The following RBM23 variants were observed in gnomAD, a reference collection of about 807,000 sequenced individuals.
The protein encoded by RBM23 is probable RNA-binding protein 23.
RBM23 carries 53 observed loss-of-function variants against 56.2 expected under a neutral mutation model. The observed-to-expected ratio is 0.94, with a 90% confidence interval of 0.76 to 1.19. The LOEUF (loss-of-function observed/expected upper bound fraction) is 1.19, where lower values mean the gene tolerates loss of function less well. Among genes scored for constraint, RBM23 ranks in the 50% most tolerant of loss-of-function variants. RBM23 has a pLI of 0.00. For synonymous variants in RBM23, 197 were observed against 198.5 expected (o/e 0.99, Z 0.06); for missense variants, 642 against 590.3 (o/e 1.09, Z -0.91).
intron 4 of RBM23, among the ~76,000 whole-genome samples, chr14:22,907,353 G>A (rs560363460): frequency 4.6e-4 from 70 of 151,844 alleles, no homozygotes; most frequent in Non-Finnish European, 9.0e-4. Flanking sequence ...AAAAAAAAAA[G>A]AAAAAATAAG....
Position 22,901,868 on chromosome 14 carries a change from A to G in RBM23, c.1262T>C (p.Leu421Pro). The change falls in exon 13 of 14, where the codon CTG becomes CCG. Residue 421 changes from leucine to proline, a missense_variant. Transcript: ENST00000359890. ...PAALTALSPA[L>P]NLASQCFQLS... Reference sequence around the variant, plus strand: ...CTGGAAACACTGGGAGGCAAGGTTCAGGGCTGGACTCAGAGCTAGAACAAA... The same window carrying G: ...CTGGAAACACTGGGAGGCAAGGTTCGGGGCTGGACTCAGAGCTAGAACAAA... 1.2e-6 allele frequency: 2 copies of G among 1,614,226 alleles called. No homozygotes were observed. The highest frequency in any genetic ancestry group is 1.3e-5 in the African/African-American group (1 of 75,068).
At position 22,895,084 on chromosome 14, in the gene RBM23, G is replaced by A. The variant is rs979954620; in HGVS notation, c.*6646C>T. 2.6e-5 allele frequency: 4 copies of A among 151,494 alleles called. No homozygotes were observed. The highest frequency in any genetic ancestry group is 2.6e-4 in the Admixed American group (4 of 15,196). 9.4% of individuals were successfully genotyped at this position (151,494 alleles called of 1,614,324 possible). A position where few individuals can be genotyped will look rare whatever the true frequency, so the allele number is the denominator to read the frequency against. ...ATTAAAAATAAATAAATAAGGCCCA[G>A]TGCAGTGGCTCAGGACTGTAATCCC... is the stretch of plus-strand genomic sequence containing the variant. On this transcript the variant is annotated 3_prime_UTR_variant, in exon 14 of 14. Coordinates refer to ENST00000359890, the MANE Select transcript of RBM23 (RefSeq NM_001077351.2).
chr14:22,916,232 A>G (rs961304988), intron 1 of RBM23, among the ~76,000 whole-genome samples: 4 of 151,924 alleles, frequency 2.6e-5, no homozygotes, highest in Non-Finnish European at 4.4e-5. Context: ...CAAAACAGAG[A>G]AGGTCACACA....
rs2044144072 is a variant in RBM23 at position 22,919,145 on chromosome 14, G to C, written c.-157C>G. The stretch of plus-strand genomic sequence containing the variant: ...CTCCTCTTCCCGCAAAATGGCGGCA[G>C]CTCTGCCGTCTTCCAGAACCTTCCC... On this transcript the variant is annotated 5_prime_UTR_variant, in exon 1 of 14. Transcript: ENST00000359890. The C allele has an allele frequency of 6.6e-6, 1 of 152,304 alleles. No homozygotes were observed. Among genetic ancestry groups the C allele is most frequent in the African/African-American group, 2.4e-5 (1 of 41,448 alleles). 9.4% of individuals were successfully genotyped at this position (152,304 alleles called of 1,614,324 possible).
chr14:22,902,932 G>A (rs1364038442), intron 10 of RBM23: 4 of 641,388 alleles, frequency 6.2e-6, no homozygotes, highest in East Asian at 2.8e-4. Flanking sequence ...CCACCACCAT[G>A]CCCAGCTAGT....
intron 5 of RBM23, 70 bp downstream of exon 5, chr14:22,906,125 G>A: frequency 3.2e-6 from 5 of 1,542,152 alleles, no homozygotes; most frequent in Non-Finnish European, 4.4e-6. Context: ...CCTCAAGCAG[G>A]GTTCATAGTG....
chr14:22,913,929 CAGG>C (rs976238412), intron 1 of RBM23: 2 of 150,466 alleles, frequency 1.3e-5, no homozygotes, highest in African/African-American at 4.9e-5. Flanking sequence ...GAGGCTGAGA[CAGG>C]AGAATTGCTT....
chr14:22,904,370 A>G, intron 9 of RBM23, 44 bp from the exon 10 acceptor site: 1 of 1,488,752 alleles, frequency 6.7e-7, no homozygotes, highest in Non-Finnish European at 9.3e-7. Flanking sequence ...TGACTAGCCC[A>G]CATCTTCAAT....
In RBM23 at chr14:22,900,781, T is replaced by TTATATA. The variant is rs112725825; in HGVS notation, c.*948_*949insTATATA. The TTATATA allele has an allele frequency of 2.8e-4, 43 of 151,166 alleles. No homozygotes were observed. The highest frequency in any genetic ancestry group is 9.8e-4 in the African/African-American group (40 of 41,016). 9.4% of individuals were successfully genotyped at this position (151,166 alleles called of 1,614,324 possible). The stretch of plus-strand genomic sequence containing the variant: ...GAGGCTTGCCTTTTGTACAAAGTTT[T>TTATATA]TATGTATATATATATGTATATATAT... On this transcript the variant is annotated 3_prime_UTR_variant, in exon 14 of 14. Transcript: ENST00000359890.
Position 22,901,701 on chromosome 14 carries a change from A to C in RBM23, c.*29T>G, listed in dbSNP as rs558471123. On this transcript the variant is annotated 3_prime_UTR_variant, in exon 14 of 14. Coordinates refer to ENST00000359890, the MANE Select transcript of RBM23 (RefSeq NM_001077351.2). ...ATGTGAAGTGGCAGGATCCAGAGGC[A>C]CAAGGAGGCAGTATACTGTGCCACT... The C allele has an allele frequency of 6.2e-7, 1 of 1,610,872 alleles. No individual in the cohort carries two copies.
At position 22,901,919 on chromosome 14, in the gene RBM23, C is replaced by T. The variant is rs756615201; in HGVS notation, c.1247-36G>A. 3.1e-6 allele frequency: 5 copies of T among 1,613,682 alleles called. No homozygotes were observed. In the South Asian group the frequency reaches 5.5e-5, roughly 18 times the overall value. On this transcript the variant is annotated intron_variant, in intron 12 of 13. Coordinates refer to ENST00000359890, the MANE Select transcript of RBM23 (RefSeq NM_001077351.2). ...GACAGGCAGAGTGAGTGAGCAAGCA[C>T]CGCGCACTCCTTCTTTCCAGACCCC... is the stretch of plus-strand genomic sequence containing the variant.
At position 22,901,359 on chromosome 14, in the gene RBM23, A is replaced by C; in HGVS notation, c.*371T>G. ...AGACTAAAGGTTAAAGGTACAGGAA[A>C]AGGAGAGAGGTCAGTTCCTTCAGTA... is the stretch of plus-strand genomic sequence containing the variant. On this transcript the variant is annotated 3_prime_UTR_variant, in exon 14 of 14. Transcript: ENST00000359890. 1 of 298,044 alleles carries C rather than the reference A, an allele frequency of 3.4e-6. No individual in the cohort carries two copies. Among genetic ancestry groups the C allele is most frequent in the Non-Finnish European group, 6.0e-6 (1 of 167,150 alleles). The allele number at this position is 298,044 out of a possible 1,614,324, so 18.5% of individuals were successfully genotyped here. A position where few individuals can be genotyped will look rare whatever the true frequency, so the allele number is the denominator to read the frequency against.
At chr14:22,908,892 T>A (rs536057723) in intron 3 of RBM23, among the ~76,000 whole-genome samples, 1 of 151,946 alleles carries the variant, frequency 6.6e-6, no homozygotes, top group African/African-American at 2.4e-5. Context: ...GAGGCCATTT[T>A]TCCCCCTAAT....
At chr14:22,907,477 T>C (rs1318355318) in intron 4 of RBM23, among the ~76,000 whole-genome samples, 1 of 152,206 alleles carries the variant, frequency 6.6e-6, no homozygotes, top group Non-Finnish European at 1.5e-5. Context: ...CATGAAAAGA[T>C]AAACATTTAG....
At chr14:22,910,524 A>C in intron 2 of RBM23, among the ~76,000 whole-genome samples, 1 of 135,746 alleles carries the variant, frequency 7.4e-6, no homozygotes, top group African/African-American at 2.7e-5. Context: ...AGAAGGAGGG[A>C]GGGATGGGAG....
chr14:22,906,767 G>T (rs544964384), intron 4 of RBM23, among the ~76,000 whole-genome samples: 1 of 152,226 alleles, frequency 6.6e-6, no homozygotes, highest in Non-Finnish European at 1.5e-5. Context: ...GGCTGGGCGC[G>T]GTGGCTCACG....
rs2040204660 is a variant in RBM23, at chr14:22,893,859, G to A, written c.*7871C>T. The A allele has an allele frequency of 6.6e-6, 1 of 152,110 alleles. No homozygotes were observed. The highest frequency in any genetic ancestry group is 1.5e-5 in the Non-Finnish European group (1 of 68,022). The allele number at this position is 152,110 out of a possible 1,614,324, so 9.4% of individuals were successfully genotyped here. ...CCTTTTCATCTATTTGAATATTGAT[G>A]TCAAGTTTCCACAGCTTAGTGGCCT... On this transcript the variant is annotated 3_prime_UTR_variant, in exon 14 of 14. Transcript: ENST00000359890.
chr14:22,916,472 C>T (rs1246882867), intron 1 of RBM23, among the ~76,000 whole-genome samples: 5 of 148,512 alleles, frequency 3.4e-5, no homozygotes, highest in African/African-American at 7.4e-5. Flanking sequence ...GACATGGTCT[C>T]ACTATGTTGC....
At chr14:22,911,271 A>T in intron 2 of RBM23, 57 bp downstream of exon 2, 5 of 1,374,112 alleles carry the variant, frequency 3.6e-6, no homozygotes, top group Non-Finnish European at 5.2e-6. Context: ...GAAAGTGATG[A>T]TCGACAACTA....
Sources: gnomAD v4.1 joint callset for allele counts (sites outside exome capture counted in the v4.1 genomes callset) on GRCh38, gnomAD v4.1.1 for gene constraint, MANE v1.5 for transcripts, NCBI Gene and HGNC (gene_info 2026-07-23, HGNC 2026-07-21) for gene names.